The following SLC44A5 variants were observed in gnomAD, a reference collection of about 807,000 sequenced individuals.
The protein encoded by SLC44A5 is choline transporter-like protein 5.
SLC44A5 carries 57 observed loss-of-function variants against 101.8 expected under a neutral mutation model. The observed-to-expected ratio is 0.56, with a 90% CI of 0.45 to 0.70. SLC44A5 has a LOEUF of 0.70. Among genes scored for constraint, SLC44A5 ranks in the 30% least tolerant of loss-of-function variants. The probability of loss-of-function intolerance (pLI) is 0.00; values close to 1 mark genes in which losing one functional copy is unlikely to be tolerated. For missense variants in SLC44A5, 737 were observed against 853.1 expected, an observed-to-expected ratio of 0.86 and a Z score of 1.70; for synonymous variants, 281 against 290.9, an observed-to-expected ratio of 0.97 and a Z score of 0.35.
At chr1:75,422,302 C>G (rs1332313105) in intron 2 of SLC44A5, among the ~76,000 whole-genome samples, 2 of 152,208 alleles carry the variant, frequency 1.3e-5, no homozygotes, top group Non-Finnish European at 2.9e-5. Flanking sequence ...GGACATTTCA[C>G]TAGGCTGCAA....
At chr1:75,315,169 C>G (rs1014937713) in intron 4 of SLC44A5, among the ~76,000 whole-genome samples, 9 of 151,982 alleles carry the variant, frequency 5.9e-5, no homozygotes, top group African/African-American at 1.9e-4. Context: ...GAGTATATGT[C>G]CATTTATGTG....
At chr1:75,539,240 G>T (rs551908614) in intron 2 of SLC44A5, among the ~76,000 whole-genome samples, 2 of 152,176 alleles carry the variant, frequency 1.3e-5, no homozygotes, top group South Asian at 4.1e-4. Context: ...AATTTCATTT[G>T]TACCTTACCT....
At chr1:75,356,532 A>G (rs2101094149) in intron 3 of SLC44A5, among the ~76,000 whole-genome samples, 1 of 152,208 alleles carries the variant, frequency 6.6e-6, no homozygotes, top group African/African-American at 2.4e-5. Context: ...AAAAAGCTTA[A>G]ATGATTTAAA....
chr1:75,637,260 C>G, the SLC44A5 span, among the ~76,000 whole-genome samples: 121 of 151,940 alleles, frequency 8.0e-4, 1 homozygote, highest in Non-Finnish European at 1.3e-3. Context: ...GGAAACAACC[C>G]AAACATCCAT....
chr1:75,717,963 C>T, the SLC44A5 span, among the ~76,000 whole-genome samples: 1 of 152,156 alleles, frequency 6.6e-6, no homozygotes, highest in African/African-American at 2.4e-5. Context: ...GCTCAATTCC[C>T]TACTGGGAAC....
chr1:75,579,936 G>A (rs562032808), intron 1 of SLC44A5, among the ~76,000 whole-genome samples: 1 of 151,964 alleles, frequency 6.6e-6, no homozygotes, highest in Non-Finnish European at 1.5e-5. Context: ...TAAGATCTCA[G>A]ATCAAATTTT....
chr1:75,264,744 C>A (rs1385557850), intron 6 of SLC44A5, among the ~76,000 whole-genome samples: 1 of 151,104 alleles, frequency 6.6e-6, no homozygotes, highest in African/African-American at 2.4e-5. Context: ...CAAGAACAAA[C>A]CAACACAAAA....
intron 2 of SLC44A5, among the ~76,000 whole-genome samples, chr1:75,463,188 G>A (rs761890939): frequency 2.6e-5 from 4 of 152,130 alleles, no homozygotes; most frequent in East Asian, 1.9e-4. Flanking sequence ...TTGGAAGGCC[G>A]AGGCAGGCGG....
the SLC44A5 span, among the ~76,000 whole-genome samples, chr1:75,683,678 G>T: frequency 5.9e-5 from 9 of 152,022 alleles, no homozygotes; most frequent in South Asian, 2.1e-4. Flanking sequence ...AGTGGGTGCA[G>T]CGCACCAGCA....
intron 2 of SLC44A5, among the ~76,000 whole-genome samples, chr1:75,397,183 T>C (rs1407212188): frequency 6.6e-6 from 1 of 152,178 alleles, no homozygotes; most frequent in African/African-American, 2.4e-5. Flanking sequence ...AATGACTCTA[T>C]TCAATTTGGA....
In SLC44A5 at chr1:75,339,430, G is replaced by C; in HGVS notation, c.101+152C>G. ...AAGATTTATTCTCTGTACTTTCCCT[G>C]TGTAAATAAGGTGACATTTAGGCAG... On this transcript the variant is annotated intron_variant, in intron 4 of 23. Coordinates refer to ENST00000370859, the MANE Select transcript of SLC44A5 (RefSeq NM_001130058.2). 3.3e-6 allele frequency: 2 copies of C among 615,028 alleles called. 1 individual carries two copies. Among genetic ancestry groups the C allele is most frequent in the South Asian group, 5.3e-5 (2 of 37,944 alleles). 38.1% of individuals were successfully genotyped at this position (615,028 alleles called of 1,614,324 possible). A position where few individuals can be genotyped will look rare whatever the true frequency, so the allele number is the denominator to read the frequency against.
chr1:75,304,495 A>G (rs1348105821), intron 4 of SLC44A5, among the ~76,000 whole-genome samples: 2 of 152,200 alleles, frequency 1.3e-5, no homozygotes, highest in Non-Finnish European at 2.9e-5. Context: ...TGAGTCAAGG[A>G]AAGTAGCAGA....
intron 4 of SLC44A5, among the ~76,000 whole-genome samples, chr1:75,301,741 T>C (rs1013060369): frequency 2.6e-5 from 4 of 152,192 alleles, no homozygotes; most frequent in African/African-American, 9.7e-5. Flanking sequence ...CCTAAGAATA[T>C]CTTTAGGCTA....
intron 5 of SLC44A5, among the ~76,000 whole-genome samples, chr1:75,293,205 T>C (rs1271811726): frequency 1.3e-5 from 2 of 152,238 alleles, no homozygotes; most frequent in Non-Finnish European, 2.9e-5. Flanking sequence ...TTCACTCATA[T>C]CGAGGAAATG....
chr1:75,485,479 A>G (rs1668103366), intron 2 of SLC44A5, among the ~76,000 whole-genome samples: 1 of 152,200 alleles, frequency 6.6e-6, no homozygotes, highest in African/African-American at 2.4e-5. Flanking sequence ...AGACTACCCC[A>G]GCCTGGGCTT....
chr1:75,595,912 A>G (rs1436928304), intron 1 of SLC44A5, among the ~76,000 whole-genome samples: 1 of 152,196 alleles, frequency 6.6e-6, no homozygotes, highest in African/African-American at 2.4e-5. Flanking sequence ...TTAAAAAGAG[A>G]TAATTTAGCA....
At chr1:75,267,635 C>G (rs2100717842) in intron 6 of SLC44A5, among the ~76,000 whole-genome samples, 2 of 152,290 alleles carry the variant, frequency 1.3e-5, no homozygotes, top group East Asian at 3.9e-4. Flanking sequence ...ACTGCAACCT[C>G]CACCTCCTGG....
At chr1:75,477,566 T>C (rs573899852) in intron 2 of SLC44A5, among the ~76,000 whole-genome samples, 3,200 of 152,220 alleles carry the variant, frequency 0.021, 122 homozygotes, top group African/African-American at 0.073. Context: ...AAGGAGCTGA[T>C]GGAGCTGAAA....
At chr1:75,498,698 T>A (rs1199400754) in intron 2 of SLC44A5, among the ~76,000 whole-genome samples, 2 of 152,196 alleles carry the variant, frequency 1.3e-5, no homozygotes, top group African/African-American at 4.8e-5. Flanking sequence ...ATCATCAAAA[T>A]CATGTTTTTT....
Sources: allele counts gnomAD v4.1 joint callset (sites outside exome capture counted in the v4.1 genomes callset), GRCh38; gene constraint gnomAD v4.1.1; transcripts MANE v1.5; gene names NCBI Gene and HGNC (gene_info 2026-07-23, HGNC 2026-07-21).